The following HEPHL1 variants were observed in gnomAD, a reference collection of about 807,000 sequenced individuals.
HEPHL1 encodes the protein ferroxidase HEPHL1.
Under a neutral mutation model 122.0 loss-of-function variants are expected in HEPHL1, and 123 were observed. The ratio of observed to expected loss-of-function variants is 1.01; its 90% CI spans 0.87 to 1.17. The LOEUF is 1.17. HEPHL1 is among the 50% of genes most tolerant of loss of function. The pLI is 0.00. For synonymous variants in HEPHL1, 527 were observed against 508.9 expected (o/e 1.04, Z -0.48); for missense variants, 1,452 against 1,430.5 (o/e 1.01, Z -0.24).
intron 8 of HEPHL1, among the ~76,000 whole-genome samples, chr11:94,074,279 T>C (rs1035348293): frequency 6.6e-6 from 1 of 152,032 alleles, no homozygotes; most frequent in Non-Finnish European, 1.5e-5. Flanking sequence ...TTGGTCAAAA[T>C]ACCAAAATGG....
intron 10 of HEPHL1, among the ~76,000 whole-genome samples, chr11:94,082,873 G>A (rs1326690614): frequency 6.6e-6 from 1 of 152,148 alleles, no homozygotes; most frequent in Non-Finnish European, 1.5e-5. Context: ...GAGGTGGGCA[G>A]ATCACGAGGT....
chr11:94,076,632 C>T (rs759673724), intron 9 of HEPHL1, among the ~76,000 whole-genome samples: 1 of 151,338 alleles, frequency 6.6e-6, no homozygotes. Flanking sequence ...TACCCTGAAA[C>T]ATCCTATACC....
intron 1 of HEPHL1, among the ~76,000 whole-genome samples, chr11:94,022,232 GC>G (rs1945588193): frequency 6.6e-6 from 1 of 152,152 alleles, no homozygotes; most frequent in South Asian, 2.1e-4. Context: ...CCCCTCCAGG[GC>G]CTAGTATCTT....
At chr11:94,088,172 T>C (rs114377089) in intron 11 of HEPHL1, among the ~76,000 whole-genome samples, 2,078 of 152,332 alleles carry the variant, frequency 0.014, 38 homozygotes, top group African/African-American at 0.048. Flanking sequence ...TGATTGTTTT[T>C]CTGTTTTCTG....
chr11:94,084,979 C>T (rs988547109), intron 10 of HEPHL1, among the ~76,000 whole-genome samples: 1 of 152,144 alleles, frequency 6.6e-6, no homozygotes, highest in African/African-American at 2.4e-5. Flanking sequence ...TTGCACCAAC[C>T]TAACAAAAAG....
intron 1 of HEPHL1, among the ~76,000 whole-genome samples, chr11:94,039,313 G>A (rs1303708280): frequency 1.3e-5 from 2 of 151,330 alleles, no homozygotes; most frequent in Non-Finnish European, 2.9e-5. Flanking sequence ...ACAGATCAAC[G>A]AGACAGAAAG....
Position 94,097,654 on chromosome 11 carries a change from A to G in HEPHL1, c.2435-3541A>G, listed in dbSNP as rs199570147. Among the ~76,000 whole-genome samples the G allele has an allele frequency of 3.7e-4, 56 of 151,888 alleles. No homozygotes were observed. In the East Asian group the frequency reaches 4.7e-3, roughly 13 times the overall value. The stretch of plus-strand genomic sequence containing the variant: ...CCATTATTATTGTGTGGGAGTCTAA[A>G]TCTCTTTGTAGGTCTCTAAGGACTT... On this transcript the variant is annotated intron_variant, in intron 13 of 19. Transcript: ENST00000315765.
intron 1 of HEPHL1, among the ~76,000 whole-genome samples, chr11:94,032,233 C>T (rs1268168813): frequency 1.3e-5 from 2 of 152,174 alleles, no homozygotes; most frequent in African/African-American, 2.4e-5. Flanking sequence ...AGATCTGAGA[C>T]CCAGCTGCTC....
chr11:94,080,514 T>G (rs187092347), intron 9 of HEPHL1, among the ~76,000 whole-genome samples: 221 of 152,296 alleles, frequency 1.5e-3, no homozygotes, highest in African/African-American at 5.1e-3. Flanking sequence ...ACAGACAACC[T>G]GGAGAGTTGG....
intron 2 of HEPHL1, among the ~76,000 whole-genome samples, chr11:94,053,097 T>C (rs1347641387): frequency 1.3e-5 from 2 of 152,112 alleles, no homozygotes; most frequent in Admixed American, 6.5e-5. Context: ...CCACTGGACC[T>C]GAATTTACTT....
chr11:94,099,349 T>C (rs1946348313), intron 13 of HEPHL1, among the ~76,000 whole-genome samples: 1 of 152,234 alleles, frequency 6.6e-6, no homozygotes, highest in Non-Finnish European at 1.5e-5. Context: ...ACAGCAAATG[T>C]TGCTGCCTGA....
rs1197081425 is a variant in HEPHL1 at position 94,088,818 on chromosome 11, A to C, written c.2144A>C (p.Glu715Ala). The change falls in exon 12 of 20, where the codon GAG becomes GCG. Residue 715 changes from glutamate to alanine, a missense_variant. Physicochemically the swap from Glu to Ala is moderately radical, Grantham distance 107. Transcript: ENST00000315765. ...HLSRGMGQIY[E>A]VSSCDNRDPS... is the part of the protein sequence containing the mutation. ...TCGAGAGGCATGGGTCAGATCTATG[A>C]GGTCAGCAGCTGTGACAACAGGGAC... 6.2e-7 allele frequency: 1 copy of C among 1,613,906 alleles called. No individual in the cohort carries two copies. The highest frequency in any genetic ancestry group is 1.7e-5 in the Admixed American group (1 of 60,004).
chr11:94,022,218 C>A (rs1355569643), intron 1 of HEPHL1, among the ~76,000 whole-genome samples: 1 of 152,176 alleles, frequency 6.6e-6, no homozygotes, highest in Non-Finnish European at 1.5e-5. Context: ...CCCTTTCTCC[C>A]TGCCCCCTCC....
In HEPHL1 at chr11:94,045,910, T is replaced by G. The variant is rs777423341; in HGVS notation, c.408T>G (p.Asp136Glu). ...LHPHGVFYNK[D>E]SEGALYPDGT... is the part of the protein sequence containing the mutation. ...CACATGGCGTTTTCTACAACAAAGA[T>G]TCAGAAGGTAAATATCAATCCTTTA... The change falls in exon 2 of 20, where the codon GAT (aspartate) becomes GAG (glutamate). Residue 136 changes from aspartate to glutamate, a missense_variant. Coordinates refer to ENST00000315765, the MANE Select transcript of HEPHL1 (RefSeq NM_001098672.2). 1 of 1,613,708 alleles carries G rather than the reference T, an allele frequency of 6.2e-7. No individual in the cohort carries two copies. The highest frequency in any genetic ancestry group is 2.2e-5 in the East Asian group (1 of 44,876).
intron 1 of HEPHL1, among the ~76,000 whole-genome samples, chr11:94,035,130 C>A (rs1945710043): frequency 6.6e-6 from 1 of 152,172 alleles, no homozygotes; most frequent in Admixed American, 6.5e-5. Context: ...CTGTGATTTC[C>A]TGAACTGACC....
chr11:94,022,483 C>T (rs1591456797), intron 1 of HEPHL1, among the ~76,000 whole-genome samples: 1 of 152,204 alleles, frequency 6.6e-6, no homozygotes, highest in Non-Finnish European at 1.5e-5. Flanking sequence ...CAGGGCCTAC[C>T]AGCAAGTCTT....
At chr11:94,080,597 A>G (rs1172259547) in intron 9 of HEPHL1, among the ~76,000 whole-genome samples, 1 of 152,172 alleles carries the variant, frequency 6.6e-6, no homozygotes, top group Non-Finnish European at 1.5e-5. Context: ...AAACAAATTT[A>G]AAAGAAGAAA....
intron 4 of HEPHL1, 83 bp from the exon 5 acceptor site, chr11:94,067,413 T>A: frequency 7.2e-7 from 1 of 1,389,172 alleles, no homozygotes; most frequent in Non-Finnish European, 1.0e-6. Context: ...TTTCCAGCCA[T>A]GCTTAAGCCC....
Position 94,088,775 on chromosome 11 carries a change from GCCACC to G in HEPHL1, c.2102_2106del (p.Ala701AspfsTer13). ...TGCAGGTATTTTTAGGGTGTTTTGT[GCCACC>G]ATGCCCCACCTCTCGAGAGGCATGG... On this transcript the variant is annotated frameshift_variant, in exon 12 of 20. Coordinates refer to ENST00000315765, the MANE Select transcript of HEPHL1 (RefSeq NM_001098672.2). LOFTEE classifies it high-confidence loss of function. 1 of 1,613,602 alleles carries G rather than the reference GCCACC, an allele frequency of 6.2e-7. No homozygotes were observed. The highest frequency in any genetic ancestry group is 8.5e-7 in the Non-Finnish European group (1 of 1,179,696).
Sources: allele counts gnomAD v4.1 joint callset (sites outside exome capture counted in the v4.1 genomes callset), GRCh38; gene constraint gnomAD v4.1.1; transcripts MANE v1.5; gene names NCBI Gene and HGNC (gene_info 2026-07-23, HGNC 2026-07-21).